Variants in OPCML observed in about 807,000 individuals in gnomAD.
The protein encoded by OPCML is opioid-binding protein/cell adhesion molecule.
Under a neutral mutation model 37.8 loss-of-function variants are expected in OPCML, and 13 were observed. The observed-to-expected ratio is 0.34, with a 90% CI of 0.22 to 0.55. OPCML has a LOEUF of 0.55. Among genes scored for constraint, OPCML ranks in the 20% least tolerant of loss-of-function variants. OPCML has a pLI of 0.91. For missense variants in OPCML, 341 were observed against 435.6 expected, an observed-to-expected ratio of 0.78 and a Z score of 1.93; for synonymous variants, 176 against 168.8, an observed-to-expected ratio of 1.04 and a Z score of -0.33.
intron 1 of OPCML, among the ~76,000 whole-genome samples, chr11:133,247,223 G>A (rs995211938): frequency 7.2e-5 from 11 of 152,170 alleles, no homozygotes; most frequent in Admixed American, 4.6e-4. Flanking sequence ...TATGAAGGGT[G>A]GGCTAGTGAG....
chr11:133,109,062 T>C (rs1949209523), intron 1 of OPCML, among the ~76,000 whole-genome samples: 1 of 152,160 alleles, frequency 6.6e-6, no homozygotes, highest in Non-Finnish European at 1.5e-5. Flanking sequence ...CTGGCCGCTC[T>C]TTCTATTTTT....
intron 1 of OPCML, among the ~76,000 whole-genome samples, chr11:133,140,966 A>G (rs1487633473): frequency 3.8e-3 from 10 of 2,602 alleles, no homozygotes; most frequent in Admixed American, 0.011. Context: ...GAAGAAGAAG[A>G]AGAAGAAGAA....
chr11:133,199,244 G>A (rs965771371), intron 1 of OPCML, among the ~76,000 whole-genome samples: 1 of 152,154 alleles, frequency 6.6e-6, no homozygotes, highest in African/African-American at 2.4e-5. Context: ...GAGTTCTTTA[G>A]AGGATCTTAC....
intron 1 of OPCML, among the ~76,000 whole-genome samples, chr11:133,200,212 C>G (rs894497366): frequency 2.0e-5 from 3 of 152,208 alleles, no homozygotes; most frequent in Non-Finnish European, 4.4e-5. Flanking sequence ...CAAACAAGAC[C>G]TCTCTCCTTG....
chr11:132,782,925 A>ATATATATATATATATATATG (rs1555188324), intron 2 of OPCML, among the ~76,000 whole-genome samples: 2,004 of 144,580 alleles, frequency 0.014, 23 homozygotes, highest in Non-Finnish European at 0.02. Flanking sequence ...GTGTATATAT[A>ATATATATATATATATATATG]TATATATATA....
chr11:133,196,098 C>T (rs540088165), intron 1 of OPCML, among the ~76,000 whole-genome samples: 2 of 152,094 alleles, frequency 1.3e-5, no homozygotes, highest in Admixed American at 1.3e-4. Context: ...TGTGTCTTAG[C>T]AAATTGAAGA....
At chr11:133,070,409 C>G (rs756595586) in intron 1 of OPCML, among the ~76,000 whole-genome samples, 2 of 152,148 alleles carry the variant, frequency 1.3e-5, no homozygotes, top group African/African-American at 4.8e-5. Flanking sequence ...CACCCTGGTC[C>G]ATTTAGGCTC....
At chr11:133,180,676 G>A (rs548738067) in intron 1 of OPCML, among the ~76,000 whole-genome samples, 9 of 152,124 alleles carry the variant, frequency 5.9e-5, no homozygotes, top group East Asian at 3.9e-4. Context: ...TAGGATGAGC[G>A]TCCTACCTTG....
At chr11:133,464,268 T>C (rs75827263) in intron 1 of OPCML, among the ~76,000 whole-genome samples, 5,325 of 152,320 alleles carry the variant, frequency 0.035, 221 homozygotes, top group African/African-American at 0.09. Context: ...TTTGTAATCA[T>C]TGTCTTCAAG....
chr11:133,271,812 CATTT>C (rs1378943753), intron 1 of OPCML, among the ~76,000 whole-genome samples: 2 of 152,202 alleles, frequency 1.3e-5, no homozygotes, highest in African/African-American at 2.4e-5. Flanking sequence ...CTTTCTCATT[CATTT>C]GTTTGTGCAC....
At chr11:133,385,300 C>G (rs898203207) in intron 1 of OPCML, among the ~76,000 whole-genome samples, 1 of 152,188 alleles carries the variant, frequency 6.6e-6, no homozygotes, top group African/African-American at 2.4e-5. Context: ...CCCGAAAACA[C>G]TCAGCGAAGA....
chr11:132,596,281 G>C (rs2096492299), intron 3 of OPCML, among the ~76,000 whole-genome samples: 1 of 152,172 alleles, frequency 6.6e-6, no homozygotes. Context: ...AAATGCCTAA[G>C]AGGCCAGATG....
intron 1 of OPCML, among the ~76,000 whole-genome samples, chr11:133,222,437 G>A (rs879421769): frequency 2.0e-5 from 3 of 152,192 alleles, no homozygotes; most frequent in Non-Finnish European, 4.4e-5. Flanking sequence ...GGAAGGGGAT[G>A]ACACATGCTG....
chr11:133,081,893 G>A (rs758681909), intron 1 of OPCML, among the ~76,000 whole-genome samples: 3 of 150,678 alleles, frequency 2.0e-5, no homozygotes, highest in South Asian at 2.1e-4. Context: ...AGCCGCCAGC[G>A]TGTGCTGTGA....
At chr11:133,420,940 T>G in intron 1 of OPCML, 2 of 985,360 alleles carry the variant, frequency 2.0e-6, no homozygotes, top group Non-Finnish European at 2.4e-6. Flanking sequence ...ATAATTGGTC[T>G]TGAAAATGAG....
intron 1 of OPCML, among the ~76,000 whole-genome samples, chr11:132,980,287 A>G (rs1015402692): frequency 3.3e-5 from 5 of 152,234 alleles, no homozygotes; most frequent in Non-Finnish European, 5.9e-5. Context: ...GTAGATGTAC[A>G]ATATCAGCAA....
chr11:133,530,509 G>A (rs923153567), intron 1 of OPCML, among the ~76,000 whole-genome samples: 6 of 152,192 alleles, frequency 3.9e-5, no homozygotes, highest in Admixed American at 2.0e-4. Context: ...ACTTGCCTAC[G>A]CAGGAAAGTT....
intron 3 of OPCML, among the ~76,000 whole-genome samples, chr11:132,602,316 T>C (rs1937976208): frequency 1.3e-5 from 2 of 152,216 alleles, no homozygotes; most frequent in Non-Finnish European, 2.9e-5. Flanking sequence ...AGATGTGTTA[T>C]TTTCAAGGAA....
intron 3 of OPCML, among the ~76,000 whole-genome samples, chr11:132,566,901 G>T (rs760513170): frequency 2.6e-5 from 4 of 151,370 alleles, no homozygotes; most frequent in Non-Finnish European, 5.9e-5. Context: ...CAGGCACAGA[G>T]ACCAGCATGC....
Sources: gnomAD v4.1 joint callset for allele counts (sites outside exome capture counted in the v4.1 genomes callset) on GRCh38, gnomAD v4.1.1 for gene constraint, MANE v1.5 for transcripts, NCBI Gene and HGNC (gene_info 2026-07-23, HGNC 2026-07-21) for gene names.